Variants in ZFHX3 observed in about 807,000 individuals in gnomAD.
The protein encoded by ZFHX3 is zinc finger homeobox 3.
A neutral mutation model predicts 279.1 loss-of-function variants in ZFHX3; 42 were observed. The observed-to-expected ratio is 0.15, with a 90% confidence interval of 0.12 to 0.19. The LOEUF is 0.19. ZFHX3 is among the 10% of genes least tolerant of loss of function. The pLI is 1.00. For missense variants in ZFHX3, 4,981 were observed against 4,754.0 expected, an observed-to-expected ratio of 1.05 and a Z score of -1.40; for synonymous variants, 2,293 against 1,957.8, an observed-to-expected ratio of 1.17 and a Z score of -4.52.
chr16:73,277,719 T>A (rs921103562), intron 4 of ZFHX3, among the ~76,000 whole-genome samples: 1 of 152,198 alleles, frequency 6.6e-6, no homozygotes, highest in African/African-American at 2.4e-5. Context: ...CATGAGTCCA[T>A]TCTCGCATTG....
At chr16:73,852,998 A>T (rs1008042950) in intron 1 of ZFHX3, among the ~76,000 whole-genome samples, 2 of 152,174 alleles carry the variant, frequency 1.3e-5, no homozygotes, top group South Asian at 4.2e-4. Context: ...ACAAACAAAC[A>T]TGAAAATCTG....
intron 7 of ZFHX3, among the ~76,000 whole-genome samples, chr16:73,116,425 A>G (rs1034898904): frequency 6.6e-6 from 1 of 152,210 alleles, no homozygotes; most frequent in African/African-American, 2.4e-5. Flanking sequence ...AGAAATGTGT[A>G]ACAAACACTC....
chr16:72,838,240 A>G (rs892250539), intron 4 of ZFHX3, among the ~76,000 whole-genome samples: 1 of 152,224 alleles, frequency 6.6e-6, no homozygotes, highest in African/African-American at 2.4e-5. Flanking sequence ...TAATTGGAGA[A>G]TAGAGACCAT....
chr16:73,785,658 C>A (rs1959620797), intron 1 of ZFHX3, among the ~76,000 whole-genome samples: 1 of 152,120 alleles, frequency 6.6e-6, no homozygotes, highest in Admixed American at 6.5e-5. Context: ...TACCCTCATG[C>A]TTAAGCAACA....
intron 1 of ZFHX3, among the ~76,000 whole-genome samples, chr16:73,837,556 C>A (rs909243071): frequency 2.0e-5 from 3 of 152,230 alleles, no homozygotes; most frequent in African/African-American, 7.2e-5. Flanking sequence ...TCACTAACAG[C>A]ACAAGAATTC....
At position 72,957,561 on chromosome 16, in the gene ZFHX3, T is replaced by C; in HGVS notation, c.2585A>G (p.Tyr862Cys). 1 of 1,614,160 alleles carries C rather than the reference T, an allele frequency of 6.2e-7. No homozygotes were observed. Among genetic ancestry groups the C allele is most frequent in the Non-Finnish European group, 8.5e-7 (1 of 1,180,022 alleles). Reference protein sequence around the residue: ...SLPSPAEAELYQYYLAQNMNL... With the variant: ...SLPSPAEAELCQYYLAQNMNL... ...CATGTTCTGGGCCAGGTAGTATTGG[T>C]AGAGCTCGGCCTCGGCGGGTGAGGG... The change falls in exon 2 of 10, where the codon TAC becomes TGC. Residue 862 changes from tyrosine (Y) to cysteine (C), a missense_variant. By Grantham distance (194) the Tyr-to-Cys change is radical. This residue lies in a region of ZFHX3 where 1,751 missense variants were observed against 1,770.0 expected (regional missense o/e 0.99). Coordinates refer to ENST00000268489, the MANE Select transcript of ZFHX3 (RefSeq NM_006885.4).
At chr16:73,331,385 A>C (rs16971716) in intron 3 of ZFHX3, among the ~76,000 whole-genome samples, 2,398 of 152,298 alleles carry the variant, frequency 0.016, 63 homozygotes, top group African/African-American at 0.055. Flanking sequence ...GCATCCTGAG[A>C]GTAGAAAATG....
intron 1 of ZFHX3, among the ~76,000 whole-genome samples, chr16:73,684,200 A>G (rs942738002): frequency 6.6e-6 from 1 of 152,084 alleles, no homozygotes; most frequent in Admixed American, 6.6e-5. Context: ...AGGCTAAGAT[A>G]AGAGGATCTC....
At chr16:73,247,467 G>A (rs111169996) in intron 5 of ZFHX3, among the ~76,000 whole-genome samples, 32 of 142,854 alleles carry the variant, frequency 2.2e-4, no homozygotes, top group South Asian at 6.9e-4. Context: ...TATATACTGC[G>A]TATATGATGT....
At chr16:73,154,080 G>C (rs1292692089) in intron 5 of ZFHX3, among the ~76,000 whole-genome samples, 1 of 152,134 alleles carries the variant, frequency 6.6e-6, no homozygotes, top group Non-Finnish European at 1.5e-5. Context: ...GGGTGAAGGC[G>C]ACCATTGCGA....
intron 2 of ZFHX3, among the ~76,000 whole-genome samples, chr16:73,657,963 C>T (rs964885956): frequency 3.3e-5 from 5 of 152,054 alleles, no homozygotes; most frequent in East Asian, 1.9e-4. Context: ...TATATGTTGA[C>T]GAATGGAATT....
intron 4 of ZFHX3, among the ~76,000 whole-genome samples, chr16:72,881,515 TTCCTC>T (rs2038469651): frequency 6.6e-6 from 1 of 152,212 alleles, no homozygotes; most frequent in Non-Finnish European, 1.5e-5. Context: ...CATGTTCTAT[TTCCTC>T]CCTGGCCCCT....
chr16:73,751,616 T>A lies in ZFHX3; in HGVS notation c.-1607-71376A>T, dbSNP rs2053763131. Among the ~76,000 whole-genome samples, 5 of 152,182 alleles carry A rather than the reference T, an allele frequency of 3.3e-5. No homozygotes were observed. In the South Asian group the frequency reaches 8.3e-4, roughly 25 times the overall value. On this transcript the variant is annotated intron_variant, in intron 1 of 17. Coordinates refer to the ZFHX3 transcript ENST00000641206. ...ATATTTTTAAGTAACATTTTTTAAATAAAAATAAAATGATTTTATTAATAC... is the reference window on the plus strand; with the variant it reads ...ATATTTTTAAGTAACATTTTTTAAAAAAAAATAAAATGATTTTATTAATAC...
intron 5 of ZFHX3, among the ~76,000 whole-genome samples, chr16:73,176,190 A>T (rs1441240980): frequency 6.6e-6 from 1 of 152,234 alleles, no homozygotes; most frequent in Non-Finnish European, 1.5e-5. Context: ...TGTAAATGAT[A>T]AATAATAGAA....
chr16:73,114,261 C>T (rs751428157), intron 7 of ZFHX3, among the ~76,000 whole-genome samples: 36 of 152,102 alleles, frequency 2.4e-4, no homozygotes, highest in Non-Finnish European at 3.7e-4. Flanking sequence ...CTGTATGTTA[C>T]TCATTTTCTG....
chr16:73,774,464 C>T (rs1414649979), intron 1 of ZFHX3, among the ~76,000 whole-genome samples: 3 of 152,178 alleles, frequency 2.0e-5, no homozygotes, highest in Non-Finnish European at 1.5e-5. Context: ...CCAGAGGTAT[C>T]CAAACAAATA....
chr16:73,181,770 G>A (rs981944693), intron 5 of ZFHX3, among the ~76,000 whole-genome samples: 9 of 152,124 alleles, frequency 5.9e-5, no homozygotes, highest in African/African-American at 1.4e-4. Flanking sequence ...TATAGTTCCC[G>A]TTAGGGCTGC....
chr16:73,354,430 G>A (rs939386950), intron 3 of ZFHX3, among the ~76,000 whole-genome samples: 2 of 152,188 alleles, frequency 1.3e-5, no homozygotes, highest in Non-Finnish European at 2.9e-5. Flanking sequence ...TTAAGTGCCC[G>A]AGTAGAATCT....
At chr16:73,344,975 G>T (rs12935542) in intron 3 of ZFHX3, among the ~76,000 whole-genome samples, 106,989 of 151,934 alleles carry the variant, frequency 0.7, 38,230 homozygotes, top group Middle Eastern at 0.8. Flanking sequence ...GAGAACCTGG[G>T]TCCCTTGGGC....
Sources: gnomAD v4.1 joint callset for allele counts (sites outside exome capture counted in the v4.1 genomes callset) on GRCh38, gnomAD v4.1.1 for gene constraint, gnomAD v4.1.1 regional missense constraint, MANE v1.5 for transcripts, NCBI Gene and HGNC (gene_info 2026-07-23, HGNC 2026-07-21) for gene names.